KCNIP4: variants seen among roughly 807,000 people sequenced by gnomAD.
KCNIP4 encodes the protein potassium voltage-gated channel interacting protein 4, also known as Kv channel-interacting protein 4.
Under a neutral mutation model 34.0 loss-of-function variants are expected in KCNIP4, and 12 were observed. The ratio of observed to expected loss-of-function variants is 0.35; its 90% CI spans 0.23 to 0.57. KCNIP4 has a LOEUF of 0.57. Among genes scored for constraint, KCNIP4 ranks in the 20% least tolerant of loss-of-function variants. KCNIP4 has a pLI of 0.83. For synonymous variants in KCNIP4, 124 were observed against 102.2 expected (o/e 1.21, Z -1.29); for missense variants, 238 against 311.7 (o/e 0.76, Z 1.78).
chr4:21,666,508 A>C (rs1748970213), intron 1 of KCNIP4, among the ~76,000 whole-genome samples: 1 of 152,134 alleles, frequency 6.6e-6, no homozygotes, highest in Admixed American at 6.5e-5. Context: ...ACGTATTTAT[A>C]TTTTCTCTGG....
chr4:20,816,889 T>C (rs755103544), intron 3 of KCNIP4, among the ~76,000 whole-genome samples: 1 of 152,178 alleles, frequency 6.6e-6, no homozygotes, highest in Non-Finnish European at 1.5e-5. Context: ...ACCGATTTTG[T>C]GTTAGCCATG....
intron 1 of KCNIP4, among the ~76,000 whole-genome samples, chr4:21,922,769 GATGAC>G (rs1448988943): frequency 6.6e-6 from 1 of 152,148 alleles, no homozygotes; most frequent in Non-Finnish European, 1.5e-5. Flanking sequence ...ACAGAAGAAG[GATGAC>G]ATTTGCTACA....
At chr4:21,003,836 C>T (rs1577517818) in intron 1 of KCNIP4, among the ~76,000 whole-genome samples, 2 of 152,240 alleles carry the variant, frequency 1.3e-5, no homozygotes, top group Admixed American at 6.5e-5. Flanking sequence ...AGTTAAGATG[C>T]TAATTCTGGG....
chr4:21,880,585 A>G (rs1469757894), intron 1 of KCNIP4, among the ~76,000 whole-genome samples: 1 of 152,204 alleles, frequency 6.6e-6, no homozygotes, highest in Admixed American at 6.5e-5. Flanking sequence ...TACAGGTTGA[A>G]TTAAGTTTTT....
intron 1 of KCNIP4, among the ~76,000 whole-genome samples, chr4:21,785,091 AAGAAT>A (rs1560712404): frequency 6.6e-6 from 1 of 152,154 alleles, no homozygotes; most frequent in Non-Finnish European, 1.5e-5. Flanking sequence ...TTGGTCCATT[AAGAAT>A]AGCGGTTTTT....
chr4:21,310,609 T>C (rs981342998), intron 1 of KCNIP4, among the ~76,000 whole-genome samples: 32 of 151,826 alleles, frequency 2.1e-4, no homozygotes, highest in African/African-American at 7.7e-4. Flanking sequence ...AGGCATCACA[T>C]AATAAATGTA....
At chr4:21,366,421 A>C (rs1454686599) in intron 1 of KCNIP4, among the ~76,000 whole-genome samples, 1 of 152,214 alleles carries the variant, frequency 6.6e-6, no homozygotes, top group Non-Finnish European at 1.5e-5. Flanking sequence ...AGAAAAACAA[A>C]GGCAGAGGAA....
chr4:21,451,627 C>CA lies in KCNIP4; in HGVS notation c.61+496943dup, dbSNP rs1362111262. On this transcript the variant is annotated intron_variant, in intron 1 of 8. Coordinates refer to ENST00000382152, the MANE Select transcript of KCNIP4 (RefSeq NM_025221.6). ...GGTAACTGCTGTTTTTGTAGATAAC[C>CA]AAAAAATTGATTTTGTCCATAATAA... Among the ~76,000 whole-genome samples, 4 of 152,016 alleles carry CA rather than the reference C, an allele frequency of 2.6e-5. No individual in the cohort carries two copies. The East Asian group carries it at 5.8e-4, about 22-fold the overall frequency.
chr4:21,755,866 T>G (rs1039372633), intron 1 of KCNIP4, among the ~76,000 whole-genome samples: 1 of 152,226 alleles, frequency 6.6e-6, no homozygotes. Flanking sequence ...ATTTCTATAG[T>G]TGCTGATAGG....
chr4:21,678,305 A>ATTTTTTTTTTTTTTTTTTTTTTT (rs59561334), intron 1 of KCNIP4, among the ~76,000 whole-genome samples: 2 of 117,602 alleles, frequency 1.7e-5, no homozygotes, highest in Non-Finnish European at 3.4e-5. Context: ...TCTTCTTTTG[A>ATTTTTTTTTTTTTTTTTTTTTTT]TTTTTTTTTT....
intron 1 of KCNIP4, among the ~76,000 whole-genome samples, chr4:21,011,984 C>T (rs1353054507): frequency 7.9e-5 from 12 of 152,266 alleles, no homozygotes; most frequent in South Asian, 2.1e-4. Flanking sequence ...AACGTAGTTT[C>T]GATGTTTGGA....
At chr4:20,730,220 A>G (rs1747673525) in intron 8 of KCNIP4, 91 bp from the exon 9 acceptor site, 11 of 1,398,002 alleles carry the variant, frequency 7.9e-6, no homozygotes, top group Non-Finnish European at 8.6e-6. Flanking sequence ...CCTCCCATCA[A>G]CCACCTCAAC....
chr4:21,765,291 G>A (rs912006121), intron 1 of KCNIP4, among the ~76,000 whole-genome samples: 3 of 151,728 alleles, frequency 2.0e-5, no homozygotes, highest in African/African-American at 7.3e-5. Flanking sequence ...AAGTATCTAG[G>A]GCAGAATCTA....
intron 1 of KCNIP4, among the ~76,000 whole-genome samples, chr4:21,725,209 C>T (rs979572746): frequency 6.6e-6 from 1 of 152,144 alleles, no homozygotes; most frequent in Non-Finnish European, 1.5e-5. Context: ...GAAAATCAGA[C>T]TTCTTAGTAA....
At chr4:20,962,589 G>A (rs181385892) in intron 1 of KCNIP4, among the ~76,000 whole-genome samples, 1 of 152,246 alleles carries the variant, frequency 6.6e-6, no homozygotes, top group East Asian at 1.9e-4. Context: ...GGCATGGATG[G>A]AAGCATTAAA....
intron 1 of KCNIP4, among the ~76,000 whole-genome samples, chr4:21,484,718 G>T (rs984656073): frequency 6.6e-6 from 1 of 152,126 alleles, no homozygotes; most frequent in African/African-American, 2.4e-5. Context: ...TAGAAAGTCT[G>T]TCCTGGCCCA....
At chr4:20,946,788 CCAAT>C (rs760785385) in intron 1 of KCNIP4, among the ~76,000 whole-genome samples, 3 of 152,068 alleles carry the variant, frequency 2.0e-5, no homozygotes, top group Non-Finnish European at 4.4e-5. Context: ...GATACCTATT[CCAAT>C]CTAATAAAAT....
chr4:21,447,996 G>A (rs1182537633), intron 1 of KCNIP4, among the ~76,000 whole-genome samples: 1 of 151,696 alleles, frequency 6.6e-6, no homozygotes, highest in Non-Finnish European at 1.5e-5. Context: ...GGTTGACCAT[G>A]GGTCACTGGA....
At chr4:21,733,668 G>A (rs539952388) in intron 1 of KCNIP4, among the ~76,000 whole-genome samples, 42 of 152,122 alleles carry the variant, frequency 2.8e-4, no homozygotes, top group Non-Finnish European at 5.4e-4. Context: ...GTACCCGAGC[G>A]AGAAAACACT....
Sources: gnomAD v4.1 joint callset for allele counts (sites outside exome capture counted in the v4.1 genomes callset) on GRCh38, gnomAD v4.1.1 for gene constraint, MANE v1.5 for transcripts, NCBI Gene and HGNC (gene_info 2026-07-23, HGNC 2026-07-21) for gene names.